Variants in C1orf202 observed in about 807,000 individuals in gnomAD.
C1orf202 encodes the protein chromosome 1 open reading frame 202.
chr1:244,730,492 C>T, the C1orf202 span: 2 of 348,416 alleles, frequency 5.7e-6, no homozygotes. Context: ...GGGCGGCCTG[C>T]GCGGGCCGCC....
chr1:244,730,478 G>GCGGGGGCGGCCTGCGCGGGCCGCC, the C1orf202 span: 1 of 345,706 alleles, frequency 2.9e-6, no homozygotes, highest in Middle Eastern at 7.7e-4. Context: ...GGGCTGGCGC[G>GCGGGGGCGGCCTGCGCGGGCCGCC]CGGGGGCGGC....
the C1orf202 span, chr1:244,730,712 G>A: frequency 8.8e-4 from 339 of 383,972 alleles, 1 homozygote; most frequent in Non-Finnish European, 2.3e-4. Context: ...GCGCGCGTGA[G>A]CTTGCCTGAG....
At chr1:244,730,478 GCGGGGGCGGCCTGCGCGGGCCGCC>G in the C1orf202 span, 1,428 of 345,810 alleles carry the variant, frequency 4.1e-3, 11 homozygotes, top group Non-Finnish European at 5.9e-3. Flanking sequence ...GGGCTGGCGC[GCGGGGGCGGCCTGCGCGGGCCGCC>G]CGGGGACGCT....
chr1:244,730,900 G>A, the C1orf202 span: 6 of 384,974 alleles, frequency 1.6e-5, no homozygotes, highest in Non-Finnish European at 2.8e-5. Context: ...CGCGCCGGGG[G>A]CCACCAAACC....
the C1orf202 span, chr1:244,730,898 G>A: frequency 5.2e-6 from 2 of 385,114 alleles, no homozygotes; most frequent in Non-Finnish European, 9.2e-6. Flanking sequence ...GCCGCGCCGG[G>A]GGCCACCAAA....
At chr1:244,729,985 G>A in the C1orf202 span, 1 of 151,734 alleles carries the variant, frequency 6.6e-6, no homozygotes, top group Admixed American at 6.6e-5. Context: ...CCCAACGCTT[G>A]GGAGGCTTAG....
chr1:244,730,671 A>C, the C1orf202 span: 2 of 384,050 alleles, frequency 5.2e-6, no homozygotes, highest in Non-Finnish European at 9.2e-6. Flanking sequence ...GAGGGGCCCC[A>C]CAGGCCGCGC....
the C1orf202 span, chr1:244,730,681 C>T: frequency 2.3e-5 from 9 of 383,916 alleles, no homozygotes; most frequent in Non-Finnish European, 4.2e-5. Context: ...ACAGGCCGCG[C>T]TCCGGGGCCT....
the C1orf202 span, chr1:244,730,851 G>A: frequency 2.6e-6 from 1 of 381,922 alleles, no homozygotes; most frequent in Non-Finnish European, 4.6e-6. Flanking sequence ...CCCCGCTCCA[G>A]GCGCGCCGCC....
the C1orf202 span, chr1:244,730,916 GC>G: frequency 2.6e-6 from 1 of 384,412 alleles, no homozygotes; most frequent in African/African-American, 2.1e-5. Flanking sequence ...AAACCGGGGG[GC>G]CGCCATGGCC....
chr1:244,730,854 G>T, the C1orf202 span: 6 of 382,162 alleles, frequency 1.6e-5, no homozygotes, highest in Admixed American at 9.1e-5. Flanking sequence ...CGCTCCAGGC[G>T]CGCCGCCTTC....
At chr1:244,730,941 T>C in the C1orf202 span, 1 of 381,750 alleles carries the variant, frequency 2.6e-6, no homozygotes. Flanking sequence ...GCAGGCCTCT[T>C]CTCGGAGCGC....
At chr1:244,730,055 TTTC>T in the C1orf202 span, 1 of 152,368 alleles carries the variant, frequency 6.6e-6, no homozygotes, top group Admixed American at 6.6e-5. Flanking sequence ...TTTTTTTTTT[TTTC>T]TCCTGTCTCA....
chr1:244,731,005 G>T, the C1orf202 span: 1 of 336,032 alleles, frequency 3.0e-6, no homozygotes, highest in East Asian at 4.5e-5. Flanking sequence ...CCGCCTCCAG[G>T]ACTCCAAAGG....
chr1:244,731,010 C>G, the C1orf202 span: 1 of 330,884 alleles, frequency 3.0e-6, no homozygotes. Context: ...TCCAGGACTC[C>G]AAAGGGCCCC....
chr1:244,730,605 G>A, the C1orf202 span: 48 of 383,014 alleles, frequency 1.3e-4, no homozygotes, highest in African/African-American at 8.4e-4. Context: ...CGCTCCTTGC[G>A]CCGCAGGTAG....
At chr1:244,730,354 C>T in the C1orf202 span, 1 of 305,602 alleles carries the variant, frequency 3.3e-6, no homozygotes, top group East Asian at 5.4e-5. Flanking sequence ...TTCATTCCTA[C>T]GGTGCTGGGG....
the C1orf202 span, chr1:244,730,826 C>T: frequency 2.6e-6 from 1 of 379,040 alleles, no homozygotes; most frequent in Non-Finnish European, 4.7e-6. Flanking sequence ...CTCCGGATCC[C>T]CGCGCGGAGG....
chr1:244,730,453 G>A, the C1orf202 span: 4 of 347,560 alleles, frequency 1.2e-5, no homozygotes, highest in African/African-American at 6.4e-5. Context: ...GGCTCCTCGT[G>A]GCTGACCGGC....
Sources: allele counts gnomAD v4.1 joint callset, GRCh38; gene constraint gnomAD v4.1.1; transcripts MANE v1.5; gene names NCBI Gene and HGNC (gene_info 2026-07-23, HGNC 2026-07-21).